SELENOP: variants seen among roughly 807,000 people sequenced by gnomAD.
SELENOP encodes the protein selenoprotein P.
In SELENOP, 36 loss-of-function variants were observed where a neutral mutation model predicts 41.0. That is an observed-to-expected ratio of 0.88 (90% CI 0.67 to 1.16). The LOEUF is 1.16. SELENOP is among the 50% of genes most tolerant of loss of function. SELENOP has a pLI of 0.00. For synonymous variants in SELENOP, 144 were observed against 150.8 expected, an observed-to-expected ratio of 0.95 and a Z score of 0.33; for missense variants, 440 against 454.2, an observed-to-expected ratio of 0.97 and a Z score of 0.28.
chr5:42,804,078 T>C (rs1216719233), intron 4 of SELENOP, among the ~76,000 whole-genome samples: 1 of 152,254 alleles, frequency 6.6e-6, no homozygotes, highest in African/African-American at 2.4e-5. Context: ...CAACGTCATT[T>C]GGTGGTAACT....
rs1022036425 is a variant in SELENOP at position 42,800,875 on chromosome 5, G to A, written c.991C>T (p.Gln331Ter). 2 of 1,614,144 alleles carry A rather than the reference G, an allele frequency of 1.2e-6. No homozygotes were observed. Among genetic ancestry groups the A allele is most frequent in the Middle Eastern group, 1.6e-4 (1 of 6,062 alleles). The change falls in exon 5 of 5, where the codon CAG becomes TAG. Residue 331 changes from glutamine to a stop codon, truncating the protein, a stop_gained. Transcript: ENST00000514985. LOFTEE classifies it high-confidence loss of function. ...KENLPSLCSUQGLRAEENITE... is the reference protein window; with the variant it reads ...KENLPSLCSU ...ATGTTCTCCTCTGCCCGAAGTCCCT[G>A]TCAGCTACATAAAGATGGGAGGTTT...
chr5:42,800,023 G>T lies in SELENOP; in HGVS notation c.*697C>A. The T allele has an allele frequency of 2.4e-6, 1 of 424,274 alleles. No homozygotes were observed. Among genetic ancestry groups the T allele is most frequent in the Non-Finnish European group, 4.2e-6 (1 of 240,876 alleles). The allele number at this position is 424,274 out of a possible 1,614,324, so 26.3% of individuals were successfully genotyped here. ...TACCTATTAAACCATCATTGACTAT[G>T]GAAATACTTACTAAGCAATATAGAG... On this transcript the variant is annotated 3_prime_UTR_variant, in exon 5 of 5. Transcript: ENST00000514985.
chr5:42,804,619 CCT>C (rs2111635019), intron 4 of SELENOP, 35 bp downstream of exon 4: 1 of 1,189,978 alleles, frequency 8.4e-7, no homozygotes, highest in East Asian at 2.4e-5. Flanking sequence ...TAAAAGATTT[CCT>C]CTTTTCTCCC....
At chr5:42,808,647 G>A (rs1019799305) in intron 1 of SELENOP, among the ~76,000 whole-genome samples, 3 of 151,806 alleles carry the variant, frequency 2.0e-5, no homozygotes, top group African/African-American at 4.8e-5. Flanking sequence ...GGTGGCTCAC[G>A]CCTGTAATCC....
chr5:42,807,164 T>C, intron 2 of SELENOP, 56 bp from the exon 3 acceptor site: 3 of 899,920 alleles, frequency 3.3e-6, no homozygotes, highest in South Asian at 3.5e-5. Context: ...ATTTGATTAG[T>C]GGTTTTTCTC....
intron 4 of SELENOP, among the ~76,000 whole-genome samples, 177 bp downstream of exon 4, chr5:42,804,479 A>AATAT (rs1373467094): frequency 1.2e-5 from 1 of 86,170 alleles, no homozygotes; most frequent in Non-Finnish European, 2.5e-5. Flanking sequence ...TAGTAATAGT[A>AATAT]ATAAATAAAT....
chr5:42,811,270 CATT>C (rs1208610104), intron 1 of SELENOP, among the ~76,000 whole-genome samples: 1 of 152,182 alleles, frequency 6.6e-6, no homozygotes, highest in African/African-American at 2.4e-5. Context: ...CAAAAGTTTG[CATT>C]TAATCACAGA....
intron 3 of SELENOP, chr5:42,805,344 T>C (rs1046068): frequency 0.26 from 39,426 of 152,126 alleles, 5,702 homozygotes; most frequent in Admixed American, 0.38. Flanking sequence ...ACCTAGTATA[T>C]ATGGTTTTAT....
chr5:42,808,005 C>T, intron 2 of SELENOP, 146 bp downstream of exon 2: 3 of 410,122 alleles, frequency 7.3e-6, no homozygotes, highest in Non-Finnish European at 1.3e-5. Context: ...TAGTTTCTCT[C>T]TTCTAATATG....
At chr5:42,803,759 T>C (rs1323894833) in intron 4 of SELENOP, among the ~76,000 whole-genome samples, 1 of 152,224 alleles carries the variant, frequency 6.6e-6, no homozygotes, top group Non-Finnish European at 1.5e-5. Context: ...GATTTAAATA[T>C]AGTTCTTCTC....
intron 3 of SELENOP, chr5:42,806,103 A>G (rs1047374446): frequency 3.3e-5 from 5 of 152,196 alleles, no homozygotes; most frequent in African/African-American, 1.2e-4. Context: ...TTACTGACTG[A>G]GGTGGGAAGT....
At chr5:42,804,842 TG>T in intron 3 of SELENOP, 69 bp from the exon 4 acceptor site, 1 of 1,007,988 alleles carries the variant, frequency 9.9e-7, no homozygotes, top group Non-Finnish European at 1.5e-6. Flanking sequence ...AAATACAGTC[TG>T]GGATAGGTAT....
intron 3 of SELENOP, 42 bp from the exon 4 acceptor site, chr5:42,804,815 GT>G: frequency 2.4e-6 from 3 of 1,247,040 alleles, no homozygotes; most frequent in Non-Finnish European, 3.5e-6. Flanking sequence ...AATATTTTCT[GT>G]ATCACGATCC....
chr5:42,804,687 C>A lies in SELENOP; in HGVS notation c.503G>T (p.Cys168Phe), dbSNP rs777607037. Residue 168 changes from cysteine (C) to phenylalanine (F), a missense_variant, in exon 4 of 5, where the codon TGT (cysteine) becomes TTT (phenylalanine). Physicochemically the swap from Cys to Phe is radical, Grantham distance 205. Transcript: ENST00000514985. ...AGAGCAGTTTCCACATTTCTTTTCA[C>A]AGTAAGCAATCTTAATGGCTTCTTC... The part of the protein sequence containing the change: ...YVEEAIKIAY[C>F]EKKCGNCSLT... 1 of 1,601,314 alleles carries A rather than the reference C, an allele frequency of 6.2e-7. No homozygotes were observed. Among genetic ancestry groups the A allele is most frequent in the Non-Finnish European group, 8.5e-7 (1 of 1,171,396 alleles).
rs1267486216 is a variant in SELENOP at position 42,800,749 on chromosome 5, C to T, written c.1117G>A (p.Ala373Thr). ...TTTGAAGGTCATTCTCACTTTTTTG[C>T]CTGATTCTTTCAGCGTCAACTGGCA... is the stretch of plus-strand genomic sequence containing the variant. ...ASASURUKNQAKKUEUPSN is the reference protein window; with the variant it reads ...ASASURUKNQTKKUEUPSN Residue 373 changes from alanine to threonine, a missense_variant, in exon 5 of 5, where the codon GCA (alanine) becomes ACA (threonine). Ala to Thr is a moderately conservative substitution (Grantham distance 58). Transcript: ENST00000514985. 12 of 1,604,144 alleles carry T rather than the reference C, an allele frequency of 7.5e-6. No individual in the cohort carries two copies. The highest frequency in any genetic ancestry group is 3.4e-5 in the Admixed American group (2 of 58,746).
At chr5:42,806,631 A>G in intron 3 of SELENOP, 1 of 264,262 alleles carries the variant, frequency 3.8e-6, no homozygotes, top group East Asian at 6.6e-5. Flanking sequence ...GAAGAGGAGG[A>G]AGTGTGGAGG....
intron 4 of SELENOP, 165 bp from the exon 5 acceptor site, chr5:42,801,496 T>G: frequency 1.8e-6 from 1 of 552,090 alleles, no homozygotes; most frequent in Non-Finnish European, 3.1e-6. Flanking sequence ...TCTCAACACC[T>G]AGACATTTTA....
Position 42,806,814 on chromosome 5 carries a change from T to G in SELENOP, c.416+82A>C, listed in dbSNP as rs1449262524. On this transcript the variant is annotated intron_variant, in intron 3 of 4. Coordinates refer to ENST00000514985, the MANE Select transcript of SELENOP (RefSeq NM_005410.4). ...CATTGTATTTAACAGTAAAGAAGATTGTTATGTGTGATGGGAAGTAAATAA... is the reference window on the plus strand; with the variant it reads ...CATTGTATTTAACAGTAAAGAAGATGGTTATGTGTGATGGGAAGTAAATAA... The G allele has an allele frequency of 7.2e-6, 5 of 696,190 alleles. No homozygotes were observed. In the East Asian group the frequency reaches 1.3e-4, roughly 18 times the overall value. 43.1% of individuals were successfully genotyped at this position (696,190 alleles called of 1,614,324 possible).
At chr5:42,809,064 G>A (rs185755189) in intron 1 of SELENOP, among the ~76,000 whole-genome samples, 5 of 152,146 alleles carry the variant, frequency 3.3e-5, no homozygotes, top group South Asian at 2.1e-4. Flanking sequence ...GGCTCATGTC[G>A]GGCCCTTAGC....
Sources: allele counts gnomAD v4.1 joint callset (sites outside exome capture counted in the v4.1 genomes callset), GRCh38; gene constraint gnomAD v4.1.1; transcripts MANE v1.5; gene names NCBI Gene and HGNC (gene_info 2026-07-23, HGNC 2026-07-21).